Variants in ETV1 observed in about 807,000 individuals in gnomAD.
The protein encoded by ETV1 is ETS variant transcription factor 1.
A neutral mutation model predicts 62.3 loss-of-function variants in ETV1; 27 were observed. The observed-to-expected ratio is 0.43, with a 90% CI of 0.32 to 0.60. The LOEUF (loss-of-function observed/expected upper bound fraction) is 0.60. Among genes scored for constraint, ETV1 ranks in the 20% least tolerant of loss-of-function variants. The pLI is 0.06. For missense variants in ETV1, 605 were observed against 605.8 expected, an observed-to-expected ratio of 1.00 and a Z score of 0.01; for synonymous variants, 222 against 199.6, an observed-to-expected ratio of 1.11 and a Z score of -0.94.
chr7:13,984,352 GA>G (rs1402947470), intron 5 of ETV1, among the ~76,000 whole-genome samples: 1 of 151,958 alleles, frequency 6.6e-6, no homozygotes, highest in Non-Finnish European at 1.5e-5. Context: ...GACATAAATG[GA>G]CACATCTCAC....
chr7:13,962,550 T>C (rs1790314203), intron 6 of ETV1, among the ~76,000 whole-genome samples: 1 of 152,180 alleles, frequency 6.6e-6, no homozygotes. Flanking sequence ...TTAGCAAATG[T>C]TCCTGGCCTA....
chr7:13,929,289 C>T (rs933799416), intron 9 of ETV1, among the ~76,000 whole-genome samples: 1 of 152,164 alleles, frequency 6.6e-6, no homozygotes, highest in East Asian at 1.9e-4. Context: ...CCCCAAATTA[C>T]AGTCCCTGGG....
intron 9 of ETV1, among the ~76,000 whole-genome samples, chr7:13,925,219 A>G (rs568813195): frequency 6.6e-6 from 1 of 152,260 alleles, no homozygotes; most frequent in South Asian, 2.1e-4. Flanking sequence ...GCCGAGAAGC[A>G]TTGTTTAAAC....
At chr7:13,969,322 C>A (rs1393085887) in intron 6 of ETV1, among the ~76,000 whole-genome samples, 1 of 152,076 alleles carries the variant, frequency 6.6e-6, no homozygotes. Context: ...TTTAAAATAT[C>A]ATTTTTATAT....
At chr7:13,975,614 G>C (rs1781371108) in intron 6 of ETV1, among the ~76,000 whole-genome samples, 1 of 150,164 alleles carries the variant, frequency 6.7e-6, no homozygotes, top group Admixed American at 6.6e-5. Context: ...AAAGGTTTCG[G>C]GACAGAACCC....
chr7:13,916,017 C>T (rs3801093), intron 9 of ETV1, among the ~76,000 whole-genome samples: 100,795 of 150,308 alleles, frequency 0.67, 34,622 homozygotes, highest in African/African-American at 0.8. Flanking sequence ...GAACTGGATG[C>T]GAATGTAACA....
At chr7:13,967,788 G>T (rs1393319540) in intron 6 of ETV1, among the ~76,000 whole-genome samples, 4 of 151,998 alleles carry the variant, frequency 2.6e-5, no homozygotes, top group Non-Finnish European at 5.9e-5. Context: ...TTTAGCTCAG[G>T]TTATTTCTTC....
rs1278998369 is a variant in ETV1 at position 13,895,040 on chromosome 7, T to C, written c.*826A>G. ...TTTGATTCCAGATTTAACATTTAAA[T>C]GAAGATTCCAAAGGACCATGACATG... On this transcript the variant is annotated 3_prime_UTR_variant, in exon 14 of 14. Coordinates refer to ENST00000430479, the MANE Select transcript of ETV1 (RefSeq NM_004956.5). 1 of 233,212 alleles carries C rather than the reference T, an allele frequency of 4.3e-6. No homozygotes were observed. The highest frequency in any genetic ancestry group is 2.2e-5 in the African/African-American group (1 of 45,324). The allele number at this position is 233,212 out of a possible 1,614,324, so 14.4% of individuals were successfully genotyped here. A position where few individuals can be genotyped will look rare whatever the true frequency, so the allele number is the denominator to read the frequency against.
chr7:13,941,196 C>G (rs1363975441), intron 6 of ETV1, among the ~76,000 whole-genome samples: 1 of 152,158 alleles, frequency 6.6e-6, no homozygotes, highest in Non-Finnish European at 1.5e-5. Context: ...ATTATGAGGA[C>G]TTGAATTCTG....
chr7:13,935,072 A>C (rs766945155), intron 8 of ETV1, among the ~76,000 whole-genome samples: 6 of 152,228 alleles, frequency 3.9e-5, no homozygotes, highest in Non-Finnish European at 7.3e-5. Context: ...CTTAATCTCA[A>C]GGAGTCATGA....
In ETV1 at chr7:13,939,180, G is replaced by A; in HGVS notation, c.302C>T (p.Ser101Phe). The part of the protein sequence containing the change: ...EPHSPCSEIS[S>F]ACSQEQPFKF... Reference sequence around the variant, plus strand: ...AAAGGGCTGTTCTTGACTGCAGGCAGAGCTGATTTCTGAACATGGACTGTG... The same window carrying A: ...AAAGGGCTGTTCTTGACTGCAGGCAAAGCTGATTTCTGAACATGGACTGTG... Residue 101 changes from serine (S) to phenylalanine (F), a missense_variant, in exon 7 of 14, where the codon TCT (serine) becomes TTT (phenylalanine). Around this residue, in one of 3 missense-constraint regions of ETV1, gnomAD observed 426 missense variants for 377.8 expected, o/e 1.13. Transcript: ENST00000430479. 1.2e-6 allele frequency: 2 copies of A among 1,613,346 alleles called. No individual in the cohort carries two copies. The highest frequency in any genetic ancestry group is 2.2e-5 in the South Asian group (2 of 90,890).
intron 9 of ETV1, among the ~76,000 whole-genome samples, chr7:13,920,856 A>G (rs1480456728): frequency 6.6e-6 from 1 of 152,228 alleles, no homozygotes; most frequent in Non-Finnish European, 1.5e-5. Context: ...CATATGAGAC[A>G]TGCTAAGCAA....
intron 5 of ETV1, among the ~76,000 whole-genome samples, chr7:13,981,504 CAT>C (rs1781982789): frequency 1.0e-5 from 1 of 100,230 alleles, no homozygotes; most frequent in African/African-American, 5.2e-5. Flanking sequence ...TACAAAGTTA[CAT>C]ACATACATAC....
chr7:13,969,150 C>A (rs1780612526), intron 6 of ETV1, among the ~76,000 whole-genome samples: 1 of 152,126 alleles, frequency 6.6e-6, no homozygotes, highest in African/African-American at 2.4e-5. Context: ...AATGCCTTGG[C>A]TCTCTCTAAT....
chr7:13,894,886 T>C lies in ETV1; in HGVS notation c.*980A>G. 1 of 232,910 alleles carries C rather than the reference T, an allele frequency of 4.3e-6. No individual in the cohort carries two copies. The highest frequency in any genetic ancestry group is 6.1e-5 in the East Asian group (1 of 16,368). 14.4% of individuals were successfully genotyped at this position (232,910 alleles called of 1,614,324 possible). On this transcript the variant is annotated 3_prime_UTR_variant, in exon 14 of 14. Coordinates refer to ENST00000430479, the MANE Select transcript of ETV1 (RefSeq NM_004956.5). Reference sequence around the variant, plus strand: ...GTACCTATTTAGTGTATTGGATATTTTTCTTAAAGAGTGTTTGCTGTAACT... The same window carrying C: ...GTACCTATTTAGTGTATTGGATATTCTTCTTAAAGAGTGTTTGCTGTAACT...
chr7:13,936,516 G>A (rs997462005), intron 7 of ETV1, among the ~76,000 whole-genome samples: 1 of 152,082 alleles, frequency 6.6e-6, no homozygotes, highest in Non-Finnish European at 1.5e-5. Flanking sequence ...TAGAGAATAA[G>A]TAAAAAATAA....
At chr7:13,937,808 C>A (rs561992055) in intron 7 of ETV1, among the ~76,000 whole-genome samples, 2 of 152,296 alleles carry the variant, frequency 1.3e-5, no homozygotes, top group Non-Finnish European at 2.9e-5. Flanking sequence ...TAAAACTTTG[C>A]AGTTTCAATT....
At chr7:13,963,411 T>C (rs770372676) in intron 6 of ETV1, among the ~76,000 whole-genome samples, 1 of 151,976 alleles carries the variant, frequency 6.6e-6, no homozygotes, top group African/African-American at 2.4e-5. Context: ...ATAAATAATA[T>C]GAAAATAAGA....
intron 9 of ETV1, among the ~76,000 whole-genome samples, chr7:13,929,834 G>A (rs1167984472): frequency 6.6e-6 from 1 of 152,072 alleles, no homozygotes; most frequent in African/African-American, 2.4e-5. Flanking sequence ...GAACCTATTG[G>A]CCAGTGTAGA....
Sources: gnomAD v4.1 joint callset for allele counts (sites outside exome capture counted in the v4.1 genomes callset) on GRCh38, gnomAD v4.1.1 for gene constraint, gnomAD v4.1.1 regional missense constraint, MANE v1.5 for transcripts, NCBI Gene and HGNC (gene_info 2026-07-23, HGNC 2026-07-21) for gene names.